HHLA1: variants seen among roughly 807,000 people sequenced by gnomAD.
The protein encoded by HHLA1 is HERV-H LTR-associating protein 1.
A neutral mutation model predicts 69.9 loss-of-function variants in HHLA1; 72 were observed. The ratio of observed to expected loss-of-function variants is 1.03; its 90% CI spans 0.85 to 1.25. The LOEUF (loss-of-function observed/expected upper bound fraction) is 1.25. Ranked by LOEUF, HHLA1 falls within the 50% of genes most tolerant of loss-of-function variation. HHLA1 has a pLI of 0.00. For synonymous variants in HHLA1, 252 were observed against 233.2 expected, an observed-to-expected ratio of 1.08 and a Z score of -0.73; for missense variants, 685 against 642.2, an observed-to-expected ratio of 1.07 and a Z score of -0.72.
chr8:132,070,909 A>G (rs989803334), intron 15 of HHLA1, among the ~76,000 whole-genome samples: 1 of 151,966 alleles, frequency 6.6e-6, no homozygotes, highest in African/African-American at 2.4e-5. Context: ...AACTCATCTC[A>G]ACACAATTCA....
rs374568240 is a variant in HHLA1, at chr8:132,062,448, T to G, written c.*1547A>C. On this transcript the variant is annotated 3_prime_UTR_variant, in exon 17 of 17. Coordinates refer to ENST00000414222, the MANE Select transcript of HHLA1 (RefSeq NM_001145095.3). ...TGGCAGAAACTGTTTTCTACTTAGA[T>G]GATGAACAGAAAGTGACTTTCCTCA... 5.3e-5 allele frequency: 8 copies of G among 152,206 alleles called. No individual in the cohort carries two copies. In the East Asian group the frequency reaches 1.5e-3, roughly 29 times the overall value. 9.4% of individuals were successfully genotyped at this position (152,206 alleles called of 1,614,324 possible).
chr8:132,084,240 G>A (rs111988913), intron 10 of HHLA1, among the ~76,000 whole-genome samples: 3 of 152,040 alleles, frequency 2.0e-5, no homozygotes, highest in Non-Finnish European at 4.4e-5. Context: ...ATTATAGGGT[G>A]GAGGAGCGGA....
intron 5 of HHLA1, among the ~76,000 whole-genome samples, chr8:132,096,560 T>A (rs1412197959): frequency 6.6e-6 from 1 of 152,184 alleles, no homozygotes; most frequent in African/African-American, 2.4e-5. Context: ...GGTTTAGGAA[T>A]ACATGCATGA....
At chr8:132,102,018 C>T (rs1824118660) in intron 3 of HHLA1, among the ~76,000 whole-genome samples, 1 of 152,178 alleles carries the variant, frequency 6.6e-6, no homozygotes, top group South Asian at 2.1e-4. Flanking sequence ...CTCCTAAGCC[C>T]CTGGTGAGCA....
intron 14 of HHLA1, among the ~76,000 whole-genome samples, chr8:132,072,649 A>T (rs1434451482): frequency 3.3e-5 from 5 of 152,184 alleles, no homozygotes; most frequent in Non-Finnish European, 7.4e-5. Flanking sequence ...CTGGAAATAA[A>T]CAAAAAGGAT....
Position 132,079,681 on chromosome 8 carries a change from A to G in HHLA1, c.925+37T>C, listed in dbSNP as rs984729987. 1.5e-5 allele frequency: 23 copies of G among 1,506,280 alleles called. No homozygotes were observed. In the African/African-American group the frequency reaches 3.1e-4, roughly 20 times the overall value. The allele number at this position is 1,506,280 out of a possible 1,614,324, so 93.3% of individuals were successfully genotyped here. On this transcript the variant is annotated intron_variant, in intron 11 of 16. Transcript: ENST00000414222. ...AGCCTAGAGGTAACAGGAGCGAGAC[A>G]TAGCAAAGGGGAGGAAAGGGTGAGA...
chr8:132,101,078 C>T (rs1367825874), intron 3 of HHLA1: 2 of 1,307,550 alleles, frequency 1.5e-6, no homozygotes, highest in Non-Finnish European at 2.0e-6. Context: ...TCACATGTAA[C>T]ATGAAAAATG....
At chr8:132,089,788 G>A (rs936586192) in intron 7 of HHLA1, among the ~76,000 whole-genome samples, 189 bp from the exon 8 acceptor site, 2 of 152,152 alleles carry the variant, frequency 1.3e-5, no homozygotes, top group African/African-American at 2.4e-5. Context: ...CAGGCCGGAA[G>A]GAAACTTTGG....
At chr8:132,085,561 T>C (rs543989869) in intron 10 of HHLA1, 10 of 275,046 alleles carry the variant, frequency 3.6e-5, no homozygotes, top group Non-Finnish European at 7.1e-5. Flanking sequence ...TTCATGCGCG[T>C]CCGTGTGAAG....
intron 1 of HHLA1, among the ~76,000 whole-genome samples, chr8:132,107,148 G>T (rs1280192634): frequency 1.3e-5 from 2 of 151,860 alleles, no homozygotes; most frequent in African/African-American, 4.8e-5. Context: ...TCATACCAGA[G>T]AAATACGGAA....
rs191509776 is a variant in HHLA1 at position 132,106,364 on chromosome 8, A to C, written c.-21-1078T>G. On this transcript the variant is annotated intron_variant, in intron 1 of 16. Coordinates refer to ENST00000414222, the MANE Select transcript of HHLA1 (RefSeq NM_001145095.3). ...TCTTAAAAGATCCCAGAAACATTTA[A>C]ATAGCTTTTTGATTATTGATAGCTA... 3.5e-4 allele frequency among the ~76,000 whole-genome samples: 53 copies of C among 152,342 alleles called. 1 individual carries two copies. The highest frequency in any genetic ancestry group is 3.5e-3 in the Admixed American group (53 of 15,306).
At position 132,095,610 on chromosome 8, in the gene HHLA1, G is replaced by A. The variant is rs11986018; in HGVS notation, c.365-8C>T. ...CTGTCTTCAGGTTAGAAACTGTGAA[G>A]AGAAAGGATTCAACAGAGATCCTAA... On this transcript the variant is annotated splice_region_variant and splice_polypyrimidine_tract_variant and intron_variant, in intron 6 of 16. Transcript: ENST00000414222. 11,340 of 1,541,112 alleles carry A rather than the reference G, an allele frequency of 7.4e-3. 698 individuals carry two copies. In the African/African-American group the frequency reaches 0.13, roughly 18 times the overall value.
At chr8:132,080,316 C>G in intron 10 of HHLA1, 1 of 361,902 alleles carries the variant, frequency 2.8e-6, no homozygotes, top group Admixed American at 3.7e-5. Context: ...TGGGTGCAGG[C>G]GGGCTGAGTC....
At chr8:132,109,169 G>A (rs1824256228) in intron 1 of HHLA1, among the ~76,000 whole-genome samples, 1 of 152,138 alleles carries the variant, frequency 6.6e-6, no homozygotes, top group South Asian at 2.1e-4. Context: ...ACCATGCCAG[G>A]CCAATTTTTG....
intron 10 of HHLA1, among the ~76,000 whole-genome samples, chr8:132,082,620 G>T (rs1342741705): frequency 6.6e-6 from 1 of 152,080 alleles, no homozygotes; most frequent in Non-Finnish European, 1.5e-5. Flanking sequence ...GTACAGCCTT[G>T]GTAATTTGCT....
In HHLA1 at chr8:132,074,634, G is replaced by A. The variant is rs76664533; in HGVS notation, c.1315+1421C>T. Reference sequence around the variant, plus strand: ...TTTTGGATGAGCAGAATAAGTTACTGAGAAATGCCAGAACCCCTTTAATTT... The same window carrying A: ...TTTTGGATGAGCAGAATAAGTTACTAAGAAATGCCAGAACCCCTTTAATTT... On this transcript the variant is annotated intron_variant, in intron 14 of 16. Transcript: ENST00000414222. 3.0e-3 allele frequency among the ~76,000 whole-genome samples: 461 copies of A among 152,224 alleles called. 1 individual carries two copies. Among genetic ancestry groups the A allele is most frequent in the African/African-American group, 0.011 (446 of 41,540 alleles).
At chr8:132,094,377 C>T (rs148938771) in intron 7 of HHLA1, among the ~76,000 whole-genome samples, 1 of 152,288 alleles carries the variant, frequency 6.6e-6, no homozygotes, top group Admixed American at 6.5e-5. Context: ...TTAGAATCCT[C>T]GCAGCAGACC....
At chr8:132,080,062 G>A in intron 10 of HHLA1, 96 bp from the exon 11 acceptor site, 1 of 1,425,776 alleles carries the variant, frequency 7.0e-7, no homozygotes, top group Non-Finnish European at 9.7e-7. Context: ...TGAATGTGGA[G>A]ATTCAAACCT....
chr8:132,108,622 A>T (rs1321563935), intron 1 of HHLA1, among the ~76,000 whole-genome samples: 1 of 152,178 alleles, frequency 6.6e-6, no homozygotes, highest in Non-Finnish European at 1.5e-5. Flanking sequence ...CAGCCAAAAT[A>T]TACTATCCCC....
Sources: gnomAD v4.1 joint callset for allele counts (sites outside exome capture counted in the v4.1 genomes callset) on GRCh38, gnomAD v4.1.1 for gene constraint, MANE v1.5 for transcripts, NCBI Gene and HGNC (gene_info 2026-07-23, HGNC 2026-07-21) for gene names.